CSMD1: variants seen among roughly 807,000 people sequenced by gnomAD.
CSMD1 encodes the protein CUB and Sushi multiple domains 1, also known as CUB and sushi domain-containing protein 1.
Under a neutral mutation model 417.5 loss-of-function variants are expected in CSMD1, and 213 were observed. The ratio of observed to expected loss-of-function variants is 0.51; its 90% CI spans 0.46 to 0.57. The LOEUF (loss-of-function observed/expected upper bound fraction) is 0.57. Among genes scored for constraint, CSMD1 ranks in the 20% least tolerant of loss-of-function variants. The pLI, the probability that CSMD1 is intolerant of heterozygous loss-of-function variation, is 0.00. For missense variants in CSMD1, 6,923 were observed against 4,529.7 expected (o/e 1.53, Z -15.17); for synonymous variants, 2,862 against 1,736.8 (o/e 1.65, Z -16.11).
chr8:4,092,028 A>G (rs150880951), intron 3 of CSMD1, among the ~76,000 whole-genome samples: 7 of 152,348 alleles, frequency 4.6e-5, no homozygotes, highest in Non-Finnish European at 7.3e-5. Flanking sequence ...TACGTAGCAC[A>G]TATCACAGGG....
At chr8:3,034,266 C>CT (rs554253735) in intron 50 of CSMD1, among the ~76,000 whole-genome samples, 99 of 152,042 alleles carry the variant, frequency 6.5e-4, no homozygotes, top group Non-Finnish European at 1.3e-3. Flanking sequence ...CTTTTTTGTC[C>CT]TTTTTTAACT....
chr8:4,467,155 AAAC>A (rs1311191834), intron 2 of CSMD1, among the ~76,000 whole-genome samples: 1 of 151,906 alleles, frequency 6.6e-6, no homozygotes, highest in Admixed American at 6.6e-5. Flanking sequence ...AAAAAAGAAA[AAAC>A]AAATGTTGAC....
At chr8:4,860,267 G>T (rs1229005582) in intron 1 of CSMD1, among the ~76,000 whole-genome samples, 4 of 126,346 alleles carry the variant, frequency 3.2e-5, no homozygotes, top group Non-Finnish European at 6.7e-5. Flanking sequence ...GTTGTGGGGT[G>T]GGGGGAGGGG....
Position 4,312,376 on chromosome 8 carries a change from A to AATATATATATATATATAT in CSMD1, c.415+107576_415+107577insATATATATATATATATAT, listed in dbSNP as rs535230667. On this transcript the variant is annotated intron_variant, in intron 3 of 69. Transcript: ENST00000635120. ...TAAGCTAATTACTTTTAATGGAACA[A>AATATATATATATATATAT]ATATATATATATATATACATACATA... Among the ~76,000 whole-genome samples the AATATATATATATATATAT allele has an allele frequency of 8.4e-4, 53 of 63,130 alleles. 2 individuals carry two copies. The highest frequency in any genetic ancestry group is 2.9e-3 in the Admixed American group (13 of 4,556). The allele number at this position is 63,130 out of a possible 152,430, so 41.4% of individuals were successfully genotyped here.
chr8:3,947,725 C>T (rs73658503), intron 5 of CSMD1, among the ~76,000 whole-genome samples: 41 of 152,024 alleles, frequency 2.7e-4, no homozygotes, highest in Non-Finnish European at 2.9e-4. Flanking sequence ...CTTTTTTTAA[C>T]GGCACAGAAT....
chr8:3,081,191 G>C (rs528739954), intron 49 of CSMD1, among the ~76,000 whole-genome samples: 3 of 152,132 alleles, frequency 2.0e-5, no homozygotes, highest in Non-Finnish European at 4.4e-5. Flanking sequence ...GTTTGATCTT[G>C]CTCATTTACT....
chr8:4,431,173 G>C (rs969630911), intron 2 of CSMD1, among the ~76,000 whole-genome samples: 1 of 152,126 alleles, frequency 6.6e-6, no homozygotes, highest in Non-Finnish European at 1.5e-5. Flanking sequence ...AGGGAGGGGA[G>C]TAGGTAGTGA....
intron 5 of CSMD1, among the ~76,000 whole-genome samples, chr8:3,960,146 A>AT (rs986270560): frequency 1.1e-4 from 17 of 152,278 alleles, no homozygotes; most frequent in Admixed American, 3.9e-4. Context: ...ACTTACAGAC[A>AT]TTTTTTACAG....
At chr8:3,682,626 C>A (rs1799724371) in intron 7 of CSMD1, among the ~76,000 whole-genome samples, 2 of 152,292 alleles carry the variant, frequency 1.3e-5, no homozygotes, top group East Asian at 1.9e-4. Flanking sequence ...TTGTGGAAGA[C>A]AGTGTGGTGA....
chr8:4,036,721 A>C (rs1268954764), intron 3 of CSMD1, among the ~76,000 whole-genome samples: 2 of 152,234 alleles, frequency 1.3e-5, no homozygotes, highest in African/African-American at 2.4e-5. Flanking sequence ...ATCCTTTTGC[A>C]GATGCAGTTG....
chr8:4,273,532 A>C (rs562106229), intron 3 of CSMD1, among the ~76,000 whole-genome samples: 1 of 152,302 alleles, frequency 6.6e-6, no homozygotes, highest in South Asian at 2.1e-4. Flanking sequence ...ACATTCTATT[A>C]ACTTCAATTT....
At chr8:4,775,088 C>G (rs1796781345) in intron 1 of CSMD1, among the ~76,000 whole-genome samples, 1 of 152,086 alleles carries the variant, frequency 6.6e-6, no homozygotes, top group Non-Finnish European at 1.5e-5. Context: ...TTAAAAGGTA[C>G]TAAAGAGCAA....
intron 2 of CSMD1, among the ~76,000 whole-genome samples, chr8:4,432,315 C>T (rs1225881725): frequency 6.6e-6 from 1 of 152,124 alleles, no homozygotes; most frequent in African/African-American, 2.4e-5. Context: ...GACTAGGCAG[C>T]TTAAGTAACT....
chr8:3,807,099 A>G (rs1800784076), intron 5 of CSMD1, among the ~76,000 whole-genome samples: 2 of 152,124 alleles, frequency 1.3e-5, no homozygotes, highest in South Asian at 4.1e-4. Context: ...CACTGGGGGA[A>G]GGTTAAATTG....
intron 7 of CSMD1, among the ~76,000 whole-genome samples, chr8:3,638,400 G>A (rs926461623): frequency 1.3e-5 from 2 of 151,796 alleles, no homozygotes; most frequent in African/African-American, 4.8e-5. Flanking sequence ...GTTTGATGCT[G>A]AGAGAAAGGT....
chr8:3,099,716 T>C (rs1815594920), intron 46 of CSMD1, among the ~76,000 whole-genome samples: 2 of 152,216 alleles, frequency 1.3e-5, no homozygotes, highest in Admixed American at 6.5e-5. Context: ...AGTGCAATGA[T>C]CTAACCCAGA....
intron 3 of CSMD1, among the ~76,000 whole-genome samples, chr8:4,330,314 G>A (rs1029009493): frequency 6.6e-6 from 1 of 151,496 alleles, no homozygotes; most frequent in African/African-American, 2.4e-5. Context: ...AATATTTTGG[G>A]CTGGGCGTGC....
At chr8:4,022,536 C>T (rs543170661) in intron 4 of CSMD1, among the ~76,000 whole-genome samples, 2 of 152,208 alleles carry the variant, frequency 1.3e-5, no homozygotes, top group African/African-American at 2.4e-5. Flanking sequence ...GAAACTGAGG[C>T]ACAAGAAGGT....
At chr8:3,075,982 C>T (rs1246310306) in intron 49 of CSMD1, among the ~76,000 whole-genome samples, 19 of 150,542 alleles carry the variant, frequency 1.3e-4, no homozygotes, top group South Asian at 6.3e-4. Context: ...ACCTGGGAGG[C>T]GCAGCTTGCA....
Sources: gnomAD v4.1 joint callset for allele counts (sites outside exome capture counted in the v4.1 genomes callset) on GRCh38, gnomAD v4.1.1 for gene constraint, MANE v1.5 for transcripts, NCBI Gene and HGNC (gene_info 2026-07-23, HGNC 2026-07-21) for gene names.